The following CADPS2 variants were observed in gnomAD, a reference collection of about 807,000 sequenced individuals.
CADPS2 encodes the protein calcium-dependent secretion activator 2.
In CADPS2, 93 loss-of-function variants were observed where a neutral mutation model predicts 172.5. That is an observed-to-expected ratio of 0.54 (90% CI 0.46 to 0.64). The LOEUF is 0.64. Among genes scored for constraint, CADPS2 ranks in the 30% least tolerant of loss-of-function variants. The pLI is 0.00. For synonymous variants in CADPS2, 546 were observed against 555.2 expected, an observed-to-expected ratio of 0.98 and a Z score of 0.23; for missense variants, 1,420 against 1,565.9, an observed-to-expected ratio of 0.91 and a Z score of 1.57.
chr7:122,735,727 C>T (rs1314741267), intron 2 of CADPS2, among the ~76,000 whole-genome samples: 1 of 151,996 alleles, frequency 6.6e-6, no homozygotes, highest in African/African-American at 2.4e-5. Flanking sequence ...CAAATATAAG[C>T]CTACTGTTTC....
rs537152855 is a variant in CADPS2 at position 122,663,339 on chromosome 7, T to C, written c.684A>G (p.Ala228=). Residue 228 remains alanine (A), a synonymous_variant, in exon 3 of 30, where the codon GCA becomes GCG. Coordinates refer to ENST00000449022, the MANE Select transcript of CADPS2 (RefSeq NM_017954.11). ...CCTTGCTCAGAATAAGTTCAGACAC[T>C]GCACTTAGGGCCATTCTATTTGGCT... ...CKQPNRMALS[A]VSELILSKEQ... is the part of the protein sequence containing the mutation. The C allele has an allele frequency of 1.1e-4, 184 of 1,613,862 alleles. No homozygotes were observed. The South Asian group carries it at 1.5e-3, about 13-fold the overall frequency.
At chr7:122,332,688 C>G (rs542486181) in intron 28 of CADPS2, among the ~76,000 whole-genome samples, 1 of 152,126 alleles carries the variant, frequency 6.6e-6, no homozygotes, top group South Asian at 2.1e-4. Flanking sequence ...ACAGATATTT[C>G]CAGATGAATT....
At chr7:122,361,467 T>G (rs1431143103) in intron 25 of CADPS2, among the ~76,000 whole-genome samples, 3 of 151,840 alleles carry the variant, frequency 2.0e-5, no homozygotes, top group Non-Finnish European at 2.9e-5. Context: ...CTCCTGACCT[T>G]GTGATCCACC....
In CADPS2 at chr7:122,407,546, T is replaced by G. The variant is rs747748312; in HGVS notation, c.2740A>C (p.Asn914His). Residue 914 changes from asparagine to histidine, a missense_variant, in exon 20 of 30, where the codon AAT (asparagine) becomes CAT (histidine). Transcript: ENST00000449022. Reference sequence around the variant, plus strand: ...AGAAAACGCAAATGCTCACTGTCATTTCGGAGGAAATTATTAAGCAGTTGG... The same window carrying G: ...AGAAAACGCAAATGCTCACTGTCATGTCGGAGGAAATTATTAAGCAGTTGG... ...LFQLLNNFLR[N>H]DTLLCNGKFH... 1 of 1,610,630 alleles carries G rather than the reference T, an allele frequency of 6.2e-7. No homozygotes were observed. The highest frequency in any genetic ancestry group is 1.7e-5 in the Admixed American group (1 of 59,468).
intron 27 of CADPS2, among the ~76,000 whole-genome samples, chr7:122,352,406 G>C (rs2038807593): frequency 6.6e-6 from 1 of 152,162 alleles, no homozygotes; most frequent in African/African-American, 2.4e-5. Flanking sequence ...AGCTCAATTT[G>C]GAATGATTCA....
At chr7:122,475,033 A>C (rs1249199597) in intron 12 of CADPS2, among the ~76,000 whole-genome samples, 1 of 152,170 alleles carries the variant, frequency 6.6e-6, no homozygotes, top group Non-Finnish European at 1.5e-5. Flanking sequence ...CTCAAGCTTC[A>C]AGTTTAAGAG....
chr7:122,608,334 C>T (rs1182314783), intron 6 of CADPS2, among the ~76,000 whole-genome samples: 3 of 151,876 alleles, frequency 2.0e-5, no homozygotes, highest in African/African-American at 7.3e-5. Flanking sequence ...TCTGACATTA[C>T]TGAATTAAAA....
chr7:122,396,127 C>T (rs2045091716), intron 20 of CADPS2, among the ~76,000 whole-genome samples: 1 of 151,924 alleles, frequency 6.6e-6, no homozygotes, highest in Non-Finnish European at 1.5e-5. Flanking sequence ...TTTTTTTAAA[C>T]TTATCAATAA....
chr7:122,885,906 G>C, intron 1 of CADPS2, 93 bp downstream of exon 1: 1 of 1,421,918 alleles, frequency 7.0e-7, no homozygotes, highest in Non-Finnish European at 9.7e-7. Context: ...GGTGTCCTGC[G>C]TTTCGCAGAA....
chr7:122,886,387 C>T lies in CADPS2; in HGVS notation c.-50G>A, dbSNP rs1306449794. The T allele has an allele frequency of 6.1e-6, 9 of 1,463,846 alleles. No individual in the cohort carries two copies. Among genetic ancestry groups the T allele is most frequent in the African/African-American group, 1.5e-5 (1 of 67,130 alleles). The allele number at this position is 1,463,846 out of a possible 1,614,324, so 90.7% of individuals were successfully genotyped here. A position where few individuals can be genotyped will look rare whatever the true frequency, so the allele number is the denominator to read the frequency against. ...GGCCCGCGGTCCCCAAGCGCCTCAC[C>T]CCCGGCGGCTGCGCCCGCGGGTCTG... is the stretch of plus-strand genomic sequence containing the variant. On this transcript the variant is annotated 5_prime_UTR_variant, in exon 1 of 30. Transcript: ENST00000449022.
At chr7:122,825,775 G>A (rs1804698899) in intron 1 of CADPS2, among the ~76,000 whole-genome samples, 1 of 151,952 alleles carries the variant, frequency 6.6e-6, no homozygotes, top group South Asian at 2.1e-4. Context: ...ATGCCCCAAT[G>A]TTAATGTTTT....
At chr7:122,534,547 T>G (rs2062061275) in intron 8 of CADPS2, among the ~76,000 whole-genome samples, 1 of 152,086 alleles carries the variant, frequency 6.6e-6, no homozygotes, top group Non-Finnish European at 1.5e-5. Flanking sequence ...AATTCTGAGA[T>G]GAGAAATAAA....
chr7:122,525,628 C>T (rs912075968), intron 8 of CADPS2, among the ~76,000 whole-genome samples: 1 of 152,108 alleles, frequency 6.6e-6, no homozygotes, highest in Non-Finnish European at 1.5e-5. Flanking sequence ...ATGATGGAGG[C>T]CTTCTGAAAA....
chr7:122,410,682 G>T (rs762515021), intron 19 of CADPS2, among the ~76,000 whole-genome samples: 18 of 151,964 alleles, frequency 1.2e-4, no homozygotes, highest in Non-Finnish European at 2.4e-4. Context: ...GTTTATTGCT[G>T]TGCAAATGTA....
intron 3 of CADPS2, among the ~76,000 whole-genome samples, chr7:122,653,776 A>G (rs1002515008): frequency 2.0e-5 from 3 of 152,070 alleles, no homozygotes; most frequent in Admixed American, 2.0e-4. Flanking sequence ...GTGATCTTTG[A>G]TGTCACTATT....
At chr7:122,745,774 C>T (rs1428148319) in intron 1 of CADPS2, among the ~76,000 whole-genome samples, 1 of 151,864 alleles carries the variant, frequency 6.6e-6, no homozygotes, top group Non-Finnish European at 1.5e-5. Flanking sequence ...TATTCTCATG[C>T]TTGCCTGACC....
At chr7:122,361,150 C>G in intron 25 of CADPS2, 137 bp from the exon 26 acceptor site, 1 of 650,044 alleles carries the variant, frequency 1.5e-6, no homozygotes, top group Non-Finnish European at 2.7e-6. Flanking sequence ...GTCAGACTAA[C>G]TTGTGATGTT....
In CADPS2 at chr7:122,393,509, A is replaced by C. The variant is rs760326067; in HGVS notation, c.2820T>G (p.Asp940Glu). 1 of 1,613,904 alleles carries C rather than the reference A, an allele frequency of 6.2e-7. No individual in the cohort carries two copies. Among genetic ancestry groups the C allele is most frequent in the Admixed American group, 1.7e-5 (1 of 60,014 alleles). The change falls in exon 21 of 30, where the codon GAT (aspartate) becomes GAG (glutamate). Residue 940 changes from aspartate to glutamate, a missense_variant. Asp to Glu is a conservative substitution (Grantham distance 45). Coordinates refer to ENST00000449022, the MANE Select transcript of CADPS2 (RefSeq NM_017954.11). ...IFVPLVVRYV[D>E]LMESSIAQSI... ...ACTGGGCGATGGAAGACTCCATGAG[A>C]TCCACATAGCGGACAACCAAGGGTA... is the stretch of plus-strand genomic sequence containing the variant.
chr7:122,702,686 C>T, intron 2 of CADPS2: 2 of 1,612,922 alleles, frequency 1.2e-6, no homozygotes, highest in Non-Finnish European at 1.7e-6. Context: ...TAGAAAGATA[C>T]TAAGCCTCAA....
Sources: allele counts gnomAD v4.1 joint callset (sites outside exome capture counted in the v4.1 genomes callset), GRCh38; gene constraint gnomAD v4.1.1; transcripts MANE v1.5; gene names NCBI Gene and HGNC (gene_info 2026-07-23, HGNC 2026-07-21).